Variants in DOCK10 observed in about 807,000 individuals in gnomAD.
DOCK10 encodes dedicator of cytokinesis protein 10.
A neutral mutation model predicts 280.1 loss-of-function variants in DOCK10; 145 were observed. The ratio of observed to expected loss-of-function variants is 0.52; its 90% CI spans 0.45 to 0.59. The LOEUF is 0.59. Ranked by LOEUF, DOCK10 falls within the 20% of genes least tolerant of loss-of-function variation. The pLI is 0.00. For missense variants in DOCK10, 2,368 were observed against 2,651.7 expected, an observed-to-expected ratio of 0.89 and a Z score of 2.35; for synonymous variants, 915 against 942.2, an observed-to-expected ratio of 0.97 and a Z score of 0.53.
At chr2:224,977,103 G>A (rs1013960852) in intron 1 of DOCK10, among the ~76,000 whole-genome samples, 1 of 152,114 alleles carries the variant, frequency 6.6e-6, no homozygotes, top group African/African-American at 2.4e-5. Context: ...CCAACTCACC[G>A]CAAATTTAGG....
At chr2:224,878,178 C>T in intron 7 of DOCK10, among the ~76,000 whole-genome samples, 1 of 152,208 alleles carries the variant, frequency 6.6e-6, no homozygotes, top group East Asian at 1.9e-4. Flanking sequence ...CTCTCACAGA[C>T]TGTCCCCAGA....
At chr2:225,039,968 C>T (rs79158120) in intron 1 of DOCK10, among the ~76,000 whole-genome samples, 1 of 152,108 alleles carries the variant, frequency 6.6e-6, no homozygotes, top group South Asian at 2.1e-4. Flanking sequence ...TACACACCCG[C>T]GGTTCTATGA....
intron 11 of DOCK10, among the ~76,000 whole-genome samples, chr2:224,865,987 A>T (rs1391178639): frequency 1.3e-5 from 2 of 152,092 alleles, no homozygotes; most frequent in African/African-American, 2.4e-5. Flanking sequence ...CCTCTCCTAA[A>T]TACTCCAGCG....
intron 27 of DOCK10, among the ~76,000 whole-genome samples, chr2:224,825,940 G>T (rs530284142): frequency 6.6e-6 from 1 of 152,308 alleles, no homozygotes; most frequent in East Asian, 1.9e-4. Flanking sequence ...GTAGGCTTTT[G>T]GGAGTTTTGT....
chr2:224,830,546 T>C lies in DOCK10; in HGVS notation c.3031A>G (p.Ile1011Val). The C allele has an allele frequency of 6.8e-7, 1 of 1,480,440 alleles. No homozygotes were observed. Among genetic ancestry groups the C allele is most frequent in the Non-Finnish European group, 9.1e-7 (1 of 1,098,622 alleles). The allele number at this position is 1,480,440 out of a possible 1,614,324, so 91.7% of individuals were successfully genotyped here. Reference sequence around the variant, plus strand: ...TATATTACTTATGTTCTTACCTGGATTTTATTTGTGTCAATCAAGTGCTGT... The same window carrying C: ...TATATTACTTATGTTCTTACCTGGACTTTATTTGTGTCAATCAAGTGCTGT... ...MAQHLIDTNKIQLPRPQRFPE... is the reference protein window; with the variant it reads ...MAQHLIDTNKVQLPRPQRFPE... The change falls in exon 27 of 56, where the codon ATC becomes GTC. Residue 1011 changes from isoleucine to valine, a missense_variant. This residue lies in a region of DOCK10 where 1,209 missense variants were observed against 1,250.9 expected (regional missense o/e 0.97). Coordinates refer to ENST00000258390, the MANE Select transcript of DOCK10 (RefSeq NM_014689.3).
intron 29 of DOCK10, among the ~76,000 whole-genome samples, chr2:224,818,450 A>G (rs564190935): frequency 1.4e-5 from 2 of 142,856 alleles, no homozygotes; most frequent in South Asian, 2.2e-4. Context: ...CCAGGTTGGA[A>G]TGCAGTGGCG....
intron 39 of DOCK10, among the ~76,000 whole-genome samples, chr2:224,803,510 C>T (rs1043148395): frequency 1.1e-4 from 16 of 151,904 alleles, no homozygotes; most frequent in African/African-American, 2.9e-4. Flanking sequence ...AGAGGAGCTC[C>T]GAGGTAGAAT....
At chr2:225,031,245 C>G (rs1227156339) in intron 1 of DOCK10, among the ~76,000 whole-genome samples, 2 of 152,206 alleles carry the variant, frequency 1.3e-5, no homozygotes, top group Non-Finnish European at 2.9e-5. Context: ...GAAAGGTTAT[C>G]TCTAGCACAT....
At chr2:225,016,200 C>T (rs1388290688) in intron 1 of DOCK10, among the ~76,000 whole-genome samples, 3 of 152,064 alleles carry the variant, frequency 2.0e-5, no homozygotes, top group South Asian at 4.1e-4. Flanking sequence ...CTTACAATGA[C>T]CTTATTCATA....
chr2:225,040,048 T>C (rs1243417221), intron 1 of DOCK10, among the ~76,000 whole-genome samples: 1 of 152,174 alleles, frequency 6.6e-6, no homozygotes, highest in African/African-American at 2.4e-5. Flanking sequence ...TTGACAACCA[T>C]GTTTTGAGAA....
At chr2:224,865,855 T>TCTCTCA (rs1553601555) in intron 11 of DOCK10, among the ~76,000 whole-genome samples, 1 of 148,446 alleles carries the variant, frequency 6.7e-6, no homozygotes, top group African/African-American at 2.5e-5. Flanking sequence ...TCTCTCTCTC[T>TCTCTCA]CACACACACA....
intron 4 of DOCK10, among the ~76,000 whole-genome samples, chr2:224,888,824 GTGTGTGAATATGTA>G (rs1182259919): frequency 4.6e-5 from 7 of 151,688 alleles, no homozygotes; most frequent in Non-Finnish European, 8.8e-5. Context: ...GTGTATGTAT[GTGTGTGAATATGTA>G]TGTGTGAATA....
chr2:224,921,486 G>A (rs1488494074), intron 2 of DOCK10, among the ~76,000 whole-genome samples: 1 of 151,344 alleles, frequency 6.6e-6, no homozygotes, highest in Non-Finnish European at 1.5e-5. Flanking sequence ...ATAAGGTAAT[G>A]TTCACATCCA....
chr2:225,037,479 G>A (rs1690292825), intron 1 of DOCK10, among the ~76,000 whole-genome samples: 1 of 152,122 alleles, frequency 6.6e-6, no homozygotes, highest in Admixed American at 6.5e-5. Context: ...CCACCGATTT[G>A]AAGATGCTTT....
chr2:224,978,440 A>T (rs941495190), intron 1 of DOCK10, among the ~76,000 whole-genome samples: 2 of 152,176 alleles, frequency 1.3e-5, no homozygotes, highest in Non-Finnish European at 2.9e-5. Context: ...CTCGGAAAAA[A>T]AAAAGTAGGC....
intron 7 of DOCK10, among the ~76,000 whole-genome samples, chr2:224,880,674 T>C (rs1221240934): frequency 6.6e-6 from 1 of 152,210 alleles, no homozygotes; most frequent in Non-Finnish European, 1.5e-5. Flanking sequence ...ATATGTTTAG[T>C]GAGTTGTGGC....
Position 224,793,427 on chromosome 2 carries a change from G to A in DOCK10, c.5185C>T (p.Leu1729Phe). The A allele has an allele frequency of 6.2e-7, 1 of 1,613,550 alleles. No homozygotes were observed. Among genetic ancestry groups the A allele is most frequent in the South Asian group, 1.1e-5 (1 of 91,042 alleles). Residue 1729 changes from leucine (L) to phenylalanine (F), a missense_variant, in exon 46 of 56, where the codon CTC (leucine) becomes TTC (phenylalanine). Physicochemically the swap from Leu to Phe is conservative, Grantham distance 22. Coordinates refer to ENST00000258390, the MANE Select transcript of DOCK10 (RefSeq NM_014689.3). ...AAMCYIHIAA[L>F]IAEYLKRKGY... ...TTTCTTTTCAGATACTCTGCAATGA[G>A]AGCAGCAATATGGATGTAACACATG...
At chr2:224,780,899 A>AC (rs111272580) in intron 50 of DOCK10, among the ~76,000 whole-genome samples, 18 of 56,740 alleles carry the variant, frequency 3.2e-4, no homozygotes, top group Admixed American at 1.4e-3. Flanking sequence ...GACTCTGTCT[A>AC]AAAAAAAAAA....
At position 224,965,521 on chromosome 2, in the gene DOCK10, C is replaced by T. The variant is rs147991479; in HGVS notation, c.124-33853G>A. ...ATCCCTCTATTGAAACCTCATGGCACTTTTCTTTCTGCTTTTCTTGTGGAA... is the reference window on the plus strand; with the variant it reads ...ATCCCTCTATTGAAACCTCATGGCATTTTTCTTTCTGCTTTTCTTGTGGAA... On this transcript the variant is annotated intron_variant, in intron 1 of 55. Transcript: ENST00000258390. Among the ~76,000 whole-genome samples, 1,195 of 152,258 alleles carry T rather than the reference C, an allele frequency of 7.8e-3. 14 individuals carry two copies. The highest frequency in any genetic ancestry group is 0.027 in the African/African-American group (1,134 of 41,556).
Sources: gnomAD v4.1 joint callset for allele counts (sites outside exome capture counted in the v4.1 genomes callset) on GRCh38, gnomAD v4.1.1 for gene constraint, gnomAD v4.1.1 regional missense constraint, MANE v1.5 for transcripts, NCBI Gene and HGNC (gene_info 2026-07-23, HGNC 2026-07-21) for gene names.